The following TUB variants were observed in gnomAD, a reference collection of about 807,000 sequenced individuals.
TUB encodes tubby protein homolog.
Under a neutral mutation model 59.7 loss-of-function variants are expected in TUB, and 33 were observed. The observed-to-expected ratio is 0.55, with a 90% CI of 0.42 to 0.74. The LOEUF (loss-of-function observed/expected upper bound fraction) is 0.74. Ranked by LOEUF, TUB falls within the 30% of genes least tolerant of loss-of-function variation. The pLI is 0.00. For missense variants in TUB, 659 were observed against 672.0 expected (o/e 0.98, Z 0.21); for synonymous variants, 293 against 256.4 (o/e 1.14, Z -1.36).
At chr11:8,080,062 T>TG (rs1943516052), upstream of TUB, among the ~76,000 whole-genome samples, 1 of 152,076 alleles carries the variant, frequency 6.6e-6, no homozygotes, top group South Asian at 2.1e-4. Flanking sequence ...AGCCCTGGGG[T>TG]GGGGGTCTGG....
upstream of TUB, among the ~76,000 whole-genome samples, chr11:8,078,412 C>A (rs1943484388): frequency 6.6e-6 from 1 of 152,014 alleles, no homozygotes; most frequent in Non-Finnish European, 1.5e-5. Flanking sequence ...AAGCTTATGC[C>A]CTTCTTCGAG....
chr11:8,030,809 T>C (rs950580711), intron 1 of TUB, among the ~76,000 whole-genome samples: 1 of 152,120 alleles, frequency 6.6e-6, no homozygotes, highest in Non-Finnish European at 1.5e-5. Flanking sequence ...CCTAGGATTA[T>C]CTCTTTGCAA....
At chr11:8,082,319 C>T (rs1176507789) in intron 1 of TUB, among the ~76,000 whole-genome samples, 1 of 152,264 alleles carries the variant, frequency 6.6e-6, no homozygotes, top group Non-Finnish European at 1.5e-5. Flanking sequence ...CTGCCAGGCA[C>T]TGTGGTCTAT....
At chr11:8,093,610 C>A (rs1049307046) in intron 3 of TUB, among the ~76,000 whole-genome samples, 2 of 152,180 alleles carry the variant, frequency 1.3e-5, no homozygotes, top group African/African-American at 4.8e-5. Context: ...CCCGCAGAGC[C>A]CCCTCGTAGG....
At chr11:8,074,054 A>G (rs1229156754) in intron 2 of TUB, among the ~76,000 whole-genome samples, 1 of 151,788 alleles carries the variant, frequency 6.6e-6, no homozygotes, top group Non-Finnish European at 1.5e-5. Flanking sequence ...AACTGAGGAT[A>G]TGTCAACTCG....
chr11:8,026,462 A>G (rs766541324), intron 1 of TUB, among the ~76,000 whole-genome samples: 8 of 91,072 alleles, frequency 8.8e-5, no homozygotes, highest in Middle Eastern at 5.7e-3. Flanking sequence ...TGCATATGGT[A>G]TGAGATTCAT....
At chr11:8,085,358 C>G (rs573865598) in intron 1 of TUB, among the ~76,000 whole-genome samples, 13 of 152,338 alleles carry the variant, frequency 8.5e-5, no homozygotes, top group African/African-American at 3.1e-4. Context: ...TTTGAATGCA[C>G]CTGATACATT....
At chr11:8,020,100 G>C (rs1471554176) in intron 1 of TUB, among the ~76,000 whole-genome samples, 2 of 152,244 alleles carry the variant, frequency 1.3e-5, no homozygotes, top group East Asian at 3.8e-4. Context: ...TTTATTCCTA[G>C]GTTATGCCTG....
In TUB at chr11:8,062,693, T is replaced by C. The variant is rs143865834; in HGVS notation, c.203+23001T>C. Among the ~76,000 whole-genome samples the C allele has an allele frequency of 1.8e-4, 28 of 152,258 alleles. No individual in the cohort carries two copies. In the East Asian group the frequency reaches 5.4e-3, roughly 29 times the overall value. On this transcript the variant is annotated intron_variant, in intron 2 of 12. Transcript: ENST00000305253. ...TGCATCATGAGAAGCCCTAGGAATA[T>C]TTTTAAAATGCACATTCCCAGGCTC...
At chr11:8,033,943 C>T (rs1942611024), upstream of TUB, among the ~76,000 whole-genome samples, 3 of 152,318 alleles carry the variant, frequency 2.0e-5, no homozygotes, top group South Asian at 6.2e-4. Flanking sequence ...CGGGCTGAAA[C>T]GCACCGCAGG....
upstream of TUB, among the ~76,000 whole-genome samples, chr11:8,034,172 A>T (rs1564897441): frequency 6.6e-6 from 1 of 152,118 alleles, no homozygotes; most frequent in Non-Finnish European, 1.5e-5. Context: ...CAGACAGAGG[A>T]TTGGAGGGCT....
In TUB at chr11:8,031,212, C is replaced by T. The variant is rs900846234; in HGVS notation, c.56+11854C>T. ...TGTATGGTGGAATTGACTGTGTGAA[C>T]GGGGTGGGACTGGGGGGATCCTCTC... On this transcript the variant is annotated intron_variant, in intron 1 of 11. Coordinates refer to the TUB transcript ENST00000534099. Among the ~76,000 whole-genome samples the T allele has an allele frequency of 7.2e-4, 109 of 152,100 alleles. 1 individual carries two copies. The highest frequency in any genetic ancestry group is 2.3e-3 in the African/African-American group (95 of 41,410).
At chr11:8,097,948 C>G in intron 8 of TUB, 122 bp downstream of exon 8, 1 of 734,330 alleles carries the variant, frequency 1.4e-6, no homozygotes, top group Non-Finnish European at 2.3e-6. Context: ...CTCCCAGGAT[C>G]CTCTCTGATA....
upstream of TUB, among the ~76,000 whole-genome samples, chr11:8,079,699 T>C (rs894072131): frequency 4.0e-5 from 4 of 101,160 alleles, no homozygotes; most frequent in Non-Finnish European, 9.8e-5. Context: ...CGTGTGTGTG[T>C]GCATGTGTGT....
chr11:8,064,872 C>T (rs1192006158), intron 2 of TUB, among the ~76,000 whole-genome samples: 2 of 152,180 alleles, frequency 1.3e-5, no homozygotes, highest in Non-Finnish European at 2.9e-5. Context: ...CAATTTAAAT[C>T]GTGGTATCAA....
intron 5 of TUB, among the ~76,000 whole-genome samples, chr11:8,096,234 C>T (rs1048650033): frequency 3.9e-5 from 6 of 152,202 alleles, no homozygotes; most frequent in African/African-American, 1.4e-4. Flanking sequence ...CCACATTGGG[C>T]TGAGGAAGGA....
At chr11:8,101,389 T>G in intron 11 of TUB, 97 bp from the exon 12 acceptor site, 1 of 1,467,818 alleles carries the variant, frequency 6.8e-7, no homozygotes, top group Non-Finnish European at 9.4e-7. Flanking sequence ...TTCTCACTTG[T>G]TCTTCCCTCA....
intron 1 of TUB, among the ~76,000 whole-genome samples, chr11:8,025,037 C>G (rs1028022021): frequency 6.6e-6 from 1 of 152,214 alleles, no homozygotes; most frequent in African/African-American, 2.4e-5. Context: ...ACTCAATATG[C>G]ATTTACTGAA....
chr11:8,089,483 GC>G, intron 1 of TUB, 126 bp from the exon 2 acceptor site: 1 of 1,129,694 alleles, frequency 8.9e-7, no homozygotes, highest in Non-Finnish European at 1.3e-6. Context: ...TACCATGTGG[GC>G]TCACTGAGTC....
Sources: allele counts gnomAD v4.1 joint callset (sites outside exome capture counted in the v4.1 genomes callset), GRCh38; gene constraint gnomAD v4.1.1; transcripts MANE v1.5; gene names NCBI Gene and HGNC (gene_info 2026-07-23, HGNC 2026-07-21).